The following PPARG variants were observed in gnomAD, a reference collection of about 807,000 sequenced individuals.
PPARG encodes peroxisome proliferator-activated receptor gamma.
A neutral mutation model predicts 39.2 loss-of-function variants in PPARG; 17 were observed. That is an observed-to-expected ratio of 0.43 (90% CI 0.30 to 0.65). The LOEUF (loss-of-function observed/expected upper bound fraction) is 0.65, where lower values mean the gene tolerates loss of function less well. PPARG is among the 30% of genes least tolerant of loss of function. The probability of loss-of-function intolerance (pLI) is 0.13; values close to 1 mark genes in which losing one functional copy is unlikely to be tolerated. For synonymous variants in PPARG, 223 were observed against 215.7 expected (o/e 1.03, Z -0.30); for missense variants, 406 against 585.9 (o/e 0.69, Z 3.17).
intron 7 of PPARG, among the ~76,000 whole-genome samples, chr3:12,424,531 A>G (rs940298705): frequency 6.6e-6 from 1 of 152,138 alleles, no homozygotes; most frequent in African/African-American, 2.4e-5. Context: ...GGGCTCTCAC[A>G]ATGTGTGTTT....
At chr3:12,379,986 C>A in intron 3 of PPARG, 55 bp downstream of exon 3, 1 of 1,389,560 alleles carries the variant, frequency 7.2e-7, no homozygotes, top group Middle Eastern at 1.8e-4. Context: ...GGACTCATCT[C>A]TCAGTAACCC....
chr3:12,396,510 A>G (rs2050265685), intron 5 of PPARG, among the ~76,000 whole-genome samples: 1 of 152,154 alleles, frequency 6.6e-6, no homozygotes, highest in African/African-American at 2.4e-5. Context: ...TAATCCCAGC[A>G]CTTTGGGAGG....
intron 2 of PPARG, among the ~76,000 whole-genome samples, chr3:12,331,879 G>A (rs1009767470): frequency 6.6e-6 from 1 of 152,038 alleles, no homozygotes; most frequent in African/African-American, 2.4e-5. Context: ...GAGGATGAAT[G>A]GAGTTTTTAA....
chr3:12,419,895 A>G (rs1187033935), intron 7 of PPARG, among the ~76,000 whole-genome samples: 7 of 152,238 alleles, frequency 4.6e-5, no homozygotes, highest in African/African-American at 1.4e-4. Flanking sequence ...CACTTAGTCA[A>G]TTTCCCATGT....
chr3:12,384,675 A>G (rs189730100), intron 4 of PPARG, among the ~76,000 whole-genome samples: 6 of 152,274 alleles, frequency 3.9e-5, no homozygotes, highest in Admixed American at 3.9e-4. Flanking sequence ...GGACCCTTTC[A>G]AGGCATCCAT....
intron 2 of PPARG, among the ~76,000 whole-genome samples, chr3:12,350,693 A>G (rs1243614124): frequency 6.6e-6 from 1 of 152,204 alleles, no homozygotes; most frequent in East Asian, 1.9e-4. Context: ...CCAACCTAAC[A>G]GCGTAAGTCT....
At chr3:12,323,589 T>A (rs2047606841) in intron 2 of PPARG, among the ~76,000 whole-genome samples, 1 of 152,202 alleles carries the variant, frequency 6.6e-6, no homozygotes, top group Non-Finnish European at 1.5e-5. Flanking sequence ...ATTGTCCCTA[T>A]TTGACAGGTG....
intron 1 of PPARG, among the ~76,000 whole-genome samples, chr3:12,302,926 T>C (rs2046965286): frequency 6.6e-6 from 1 of 152,190 alleles, no homozygotes; most frequent in Admixed American, 6.5e-5. Flanking sequence ...ATGTGGACGA[T>C]GCTCTGAAGC....
At chr3:12,367,592 T>C (rs1301412181) in intron 2 of PPARG, among the ~76,000 whole-genome samples, 7 of 151,692 alleles carry the variant, frequency 4.6e-5, no homozygotes, top group Admixed American at 2.0e-4. Context: ...CTCATGCCTG[T>C]AATCCCAACA....
rs1192411647 is a variant in PPARG at position 12,429,571 on chromosome 3, A to AG, written c.1181-4327_1181-4326insG. Among the ~76,000 whole-genome samples, 137 of 148,052 alleles carry AG rather than the reference A, an allele frequency of 9.3e-4. 3 individuals are homozygous for AG. Among genetic ancestry groups the AG allele is most frequent in the South Asian group, 4.1e-3 (19 of 4,672 alleles). On this transcript the variant is annotated intron_variant, in intron 7 of 7. Transcript: ENST00000651735. ...CTCTACCAAAAAAAAAAAAAAAAAAAAAGAAGCAGGTGGAGGAAGGAGGAG... is the reference window on the plus strand; with the variant it reads ...CTCTACCAAAAAAAAAAAAAAAAAAAGAAGAAGCAGGTGGAGGAAGGAGGAG...
rs547486516 is a variant in PPARG, at chr3:12,413,148, A to G, written c.730-3556A>G. On this transcript the variant is annotated intron_variant, in intron 6 of 7. Transcript: ENST00000651735. ...TGTTAAATTAATGATTCAAGATAAAATGCAGACCAAATTTGACCAGGGTTT... is the reference window on the plus strand; with the variant it reads ...TGTTAAATTAATGATTCAAGATAAAGTGCAGACCAAATTTGACCAGGGTTT... Among the ~76,000 whole-genome samples, 44 of 152,326 alleles carry G rather than the reference A, an allele frequency of 2.9e-4. 1 individual carries two copies. The highest frequency in any genetic ancestry group is 5.8e-4 in the African/African-American group (24 of 41,570).
intron 2 of PPARG, among the ~76,000 whole-genome samples, chr3:12,321,742 A>T (rs2047552251): frequency 1.3e-5 from 2 of 152,196 alleles, no homozygotes; most frequent in Admixed American, 1.3e-4. Context: ...TATGGGTCAG[A>T]CACACCAGGC....
chr3:12,333,799 G>A (rs962546648), intron 2 of PPARG, among the ~76,000 whole-genome samples: 1 of 152,162 alleles, frequency 6.6e-6, no homozygotes, highest in Non-Finnish European at 1.5e-5. Context: ...CTGAGGTTCT[G>A]TTGAGTGACG....
chr3:12,354,391 G>A (rs1212581522), intron 2 of PPARG, among the ~76,000 whole-genome samples: 1 of 152,014 alleles, frequency 6.6e-6, no homozygotes, highest in East Asian at 1.9e-4. Flanking sequence ...GCCCTATATG[G>A]AATTTATTGC....
intron 2 of PPARG, among the ~76,000 whole-genome samples, chr3:12,340,003 C>T (rs1395863672): frequency 1.3e-5 from 2 of 152,222 alleles, no homozygotes; most frequent in Non-Finnish European, 2.9e-5. Context: ...CTCCCCATCA[C>T]TCATTAATCT....
At chr3:12,306,870 T>C (rs567530895) in intron 1 of PPARG, among the ~76,000 whole-genome samples, 1 of 152,046 alleles carries the variant, frequency 6.6e-6, no homozygotes, top group East Asian at 1.9e-4. Context: ...AGGCCGAGGC[T>C]GGTGGATCAC....
chr3:12,316,116 G>C (rs1192399468), intron 2 of PPARG, among the ~76,000 whole-genome samples: 1 of 152,178 alleles, frequency 6.6e-6, no homozygotes, highest in African/African-American at 2.4e-5. Context: ...TAGAAAATCA[G>C]TTTAACTTTA....
chr3:12,337,470 C>T lies in PPARG; in HGVS notation c.-9+25017C>T, dbSNP rs1056132595. On this transcript the variant is annotated intron_variant, in intron 2 of 7. Coordinates refer to ENST00000651735, the MANE Select transcript of PPARG (RefSeq NM_138711.6). The stretch of plus-strand genomic sequence containing the variant: ...AAGGTTAGGCTGATTCTGAATAGAG[C>T]AAGAGTTTATAATGGAAGATTCCTT... Among the ~76,000 whole-genome samples the T allele has an allele frequency of 4.6e-5, 7 of 152,122 alleles. No individual in the cohort carries two copies. In the South Asian group the frequency reaches 1.5e-3, roughly 32 times the overall value.
At chr3:12,374,856 A>G (rs750259594) in intron 2 of PPARG, among the ~76,000 whole-genome samples, 20 of 152,304 alleles carry the variant, frequency 1.3e-4, no homozygotes, top group South Asian at 4.1e-4. Flanking sequence ...CTGCTCTCAC[A>G]AAAGTAAAGG....
Sources: gnomAD v4.1 joint callset for allele counts (sites outside exome capture counted in the v4.1 genomes callset) on GRCh38, gnomAD v4.1.1 for gene constraint, MANE v1.5 for transcripts, NCBI Gene and HGNC (gene_info 2026-07-23, HGNC 2026-07-21) for gene names.